The following HIVEP3 variants were observed in gnomAD, a reference collection of about 807,000 sequenced individuals.
HIVEP3 encodes transcription factor HIVEP3.
In HIVEP3, 49 loss-of-function variants were observed where a neutral mutation model predicts 152.8. The observed-to-expected ratio is 0.32, with a 90% CI of 0.26 to 0.41. The LOEUF (loss-of-function observed/expected upper bound fraction) is 0.41, where lower values mean the gene tolerates loss of function less well. Among genes scored for constraint, HIVEP3 ranks in the 10% least tolerant of loss-of-function variants. HIVEP3 has a pLI of 1.00. For synonymous variants in HIVEP3, 1,269 were observed against 1,289.0 expected, an observed-to-expected ratio of 0.98 and a Z score of 0.33; for missense variants, 2,790 against 3,103.3, an observed-to-expected ratio of 0.90 and a Z score of 2.40.
chr1:41,710,219 C>T (rs1413444485), intron 1 of HIVEP3, among the ~76,000 whole-genome samples: 1 of 152,142 alleles, frequency 6.6e-6, no homozygotes, highest in African/African-American at 2.4e-5. Flanking sequence ...CCTCCCCTCT[C>T]CTAGCATGGA....
chr1:41,846,081 A>C (rs188983386), intron 1 of HIVEP3, among the ~76,000 whole-genome samples: 1 of 152,296 alleles, frequency 6.6e-6, no homozygotes, highest in African/African-American at 2.4e-5. Flanking sequence ...AATAATAAAT[A>C]AAAAGTAAAC....
intron 3 of HIVEP3, among the ~76,000 whole-genome samples, chr1:41,626,884 G>T (rs1280145879): frequency 6.6e-6 from 1 of 152,134 alleles, no homozygotes; most frequent in Non-Finnish European, 1.5e-5. Context: ...AAAAGTGCTG[G>T]GTCTTTTGTA....
rs1186648148 is a variant in HIVEP3, at chr1:41,507,769, G to C, written c.*2682C>G. ...ATGAAGGTGTACCTGTGGGCTGGGGGCTCTGTGCGCAGAGGAGCGGGACTA... is the reference window on the plus strand; with the variant it reads ...ATGAAGGTGTACCTGTGGGCTGGGGCCTCTGTGCGCAGAGGAGCGGGACTA... On this transcript the variant is annotated 3_prime_UTR_variant, in exon 9 of 9. Coordinates refer to ENST00000372583, the MANE Select transcript of HIVEP3 (RefSeq NM_024503.5). 6.6e-6 allele frequency: 1 copy of C among 152,406 alleles called. No individual in the cohort carries two copies. Among genetic ancestry groups the C allele is most frequent in the East Asian group, 1.9e-4 (1 of 5,204 alleles). The allele number at this position is 152,406 out of a possible 1,614,324, so 9.4% of individuals were successfully genotyped here.
intron 5 of HIVEP3, among the ~76,000 whole-genome samples, chr1:41,528,708 C>T (rs1166862450): frequency 7.4e-6 from 1 of 134,968 alleles, no homozygotes; most frequent in Non-Finnish European, 1.6e-5. Context: ...CCCTCAGACT[C>T]ACAGCCCACC....
intron 1 of HIVEP3, among the ~76,000 whole-genome samples, chr1:41,701,754 T>C (rs1170855583): frequency 6.6e-6 from 1 of 152,246 alleles, no homozygotes; most frequent in Non-Finnish European, 1.5e-5. Context: ...ATTTTAGTAA[T>C]TATAGCACCA....
chr1:41,986,860 G>A (rs962375732), intron 1 of HIVEP3, among the ~76,000 whole-genome samples: 31 of 152,200 alleles, frequency 2.0e-4, no homozygotes, highest in Admixed American at 1.5e-3. Context: ...ATTTAAACAC[G>A]ATTTTTAAAA....
intron 1 of HIVEP3, among the ~76,000 whole-genome samples, chr1:41,860,461 C>T (rs1324867272): frequency 6.6e-6 from 1 of 152,188 alleles, no homozygotes; most frequent in Non-Finnish European, 1.5e-5. Flanking sequence ...CCCTCCTAAC[C>T]CCACTCCCCT....
chr1:41,909,330 A>G (rs982242134), intron 1 of HIVEP3, among the ~76,000 whole-genome samples: 5 of 152,152 alleles, frequency 3.3e-5, no homozygotes, highest in Non-Finnish European at 5.9e-5. Context: ...AAGTTGGTAG[A>G]CCTACATTAA....
intron 1 of HIVEP3, among the ~76,000 whole-genome samples, chr1:41,882,704 C>A (rs141305876): frequency 2.6e-5 from 4 of 152,174 alleles, no homozygotes; most frequent in African/African-American, 9.7e-5. Flanking sequence ...CCCCTGGGCA[C>A]ATAACAAGCA....
intron 2 of HIVEP3, among the ~76,000 whole-genome samples, chr1:41,638,375 GA>G (rs1558137510): frequency 4.2e-5 from 2 of 47,840 alleles, no homozygotes; most frequent in Admixed American, 1.6e-4. Context: ...GAAAGAAAGG[GA>G]GAGAGAGAGA....
Position 41,824,851 on chromosome 1 carries a change from T to G in HIVEP3, c.-801+93562A>C, listed in dbSNP as rs540384286. Among the ~76,000 whole-genome samples, 323 of 131,164 alleles carry G rather than the reference T, an allele frequency of 2.5e-3. 3 individuals are homozygous for G. The highest frequency in any genetic ancestry group is 8.8e-3 in the African/African-American group (297 of 33,686). The allele number at this position is 131,164 out of a possible 152,430, so 86.0% of individuals were successfully genotyped here. A position where few individuals can be genotyped will look rare whatever the true frequency, so the allele number is the denominator to read the frequency against. On this transcript the variant is annotated intron_variant, in intron 1 of 8. Coordinates refer to ENST00000372583, the MANE Select transcript of HIVEP3 (RefSeq NM_024503.5). ...GAGAGAGAGAGAGAGAGTTTATATA[T>G]AGAGAGAGAGACAGAGACAGAGAGA...
rs57345431 is a variant in HIVEP3 at position 41,723,501 on chromosome 1, C to CACACACA, written c.-800-22507_-800-22506insTGTGTGT. ...TCATACACACACACACACACAGCCACCACACACACACACACACACACACAC... is the reference window on the plus strand; with the variant it reads ...TCATACACACACACACACACAGCCACACACACACACACACACACACACACACACACAC... On this transcript the variant is annotated intron_variant, in intron 1 of 8. Coordinates refer to ENST00000372583, the MANE Select transcript of HIVEP3 (RefSeq NM_024503.5). Among the ~76,000 whole-genome samples the CACACACA allele has an allele frequency of 3.6e-3, 523 of 146,548 alleles. 3 individuals carry two copies. Among genetic ancestry groups the CACACACA allele is most frequent in the African/African-American group, 0.013 (502 of 39,364 alleles).
chr1:41,767,702 C>T (rs1648102711), intron 1 of HIVEP3, among the ~76,000 whole-genome samples: 1 of 152,238 alleles, frequency 6.6e-6, no homozygotes, highest in South Asian at 2.1e-4. Flanking sequence ...CTCCCTCACT[C>T]AGTTCATGCA....
chr1:41,920,173 C>T (rs1173354373), upstream of HIVEP3, among the ~76,000 whole-genome samples: 1 of 152,224 alleles, frequency 6.6e-6, no homozygotes, highest in Admixed American at 6.5e-5. Context: ...TATCATATTT[C>T]ATGTGTCATC....
At chr1:41,577,698 GA>G (rs1330396806) in intron 4 of HIVEP3, among the ~76,000 whole-genome samples, 5 of 152,192 alleles carry the variant, frequency 3.3e-5, no homozygotes, top group African/African-American at 4.8e-5. Context: ...ACTACTAACA[GA>G]GAATGGAAGC....
intron 1 of HIVEP3, among the ~76,000 whole-genome samples, chr1:41,764,433 AG>A (rs1229625412): frequency 6.6e-6 from 1 of 152,208 alleles, no homozygotes; most frequent in Non-Finnish European, 1.5e-5. Context: ...GGGGGGCATG[AG>A]GACAGGAGAA....
At chr1:41,718,598 GA>G (rs1646630207) in intron 1 of HIVEP3, among the ~76,000 whole-genome samples, 1 of 152,190 alleles carries the variant, frequency 6.6e-6, no homozygotes, top group Non-Finnish European at 1.5e-5. Context: ...GCATCCCACA[GA>G]GGATCTGCCC....
chr1:41,701,755 T>C (rs1471224326), intron 1 of HIVEP3, among the ~76,000 whole-genome samples: 1 of 152,228 alleles, frequency 6.6e-6, no homozygotes, highest in Non-Finnish European at 1.5e-5. Context: ...TTTTAGTAAT[T>C]ATAGCACCAC....
At chr1:41,782,980 G>A (rs895619707) in intron 1 of HIVEP3, among the ~76,000 whole-genome samples, 1 of 152,058 alleles carries the variant, frequency 6.6e-6, no homozygotes, top group Non-Finnish European at 1.5e-5. Flanking sequence ...GATCAGCAGC[G>A]GGGCTTCAGG....
Sources: gnomAD v4.1 joint callset for allele counts (sites outside exome capture counted in the v4.1 genomes callset) on GRCh38, gnomAD v4.1.1 for gene constraint, MANE v1.5 for transcripts, NCBI Gene and HGNC (gene_info 2026-07-23, HGNC 2026-07-21) for gene names.